Variants in OPRM1 observed in about 807,000 individuals in gnomAD.
The protein encoded by OPRM1 is mu-type opioid receptor.
Under a neutral mutation model 31.8 loss-of-function variants are expected in OPRM1, and 27 were observed. The observed-to-expected ratio is 0.85, with a 90% CI of 0.63 to 1.17. The LOEUF (loss-of-function observed/expected upper bound fraction) is 1.17, where lower values mean the gene tolerates loss of function less well. Among genes scored for constraint, OPRM1 ranks in the 50% most tolerant of loss-of-function variants. The pLI is 0.00. For missense variants in OPRM1, 536 were observed against 511.1 expected (o/e 1.05, Z -0.47); for synonymous variants, 196 against 189.9 (o/e 1.03, Z -0.26).
chr6:154,237,259 C>T (rs189685033), intron 3 of OPRM1, among the ~76,000 whole-genome samples: 10 of 152,342 alleles, frequency 6.6e-5, no homozygotes, highest in Middle Eastern at 3.4e-3. Context: ...CCCACACCCT[C>T]ACCATTAACT....
intron 3 of OPRM1, among the ~76,000 whole-genome samples, chr6:154,240,129 G>T (rs1275229633): frequency 6.6e-6 from 1 of 152,138 alleles, no homozygotes; most frequent in African/African-American, 2.4e-5. Context: ...GTAGAAGTCT[G>T]GGAACACATC....
At chr6:154,086,989 A>G in intron 1 of OPRM1, 1 of 983,984 alleles carries the variant, frequency 1.0e-6, no homozygotes, top group Non-Finnish European at 1.2e-6. Flanking sequence ...TGTACTTTGG[A>G]GTATTTGTCT....
intron 3 of OPRM1, chr6:154,159,975 T>C (rs1798870350): frequency 1.2e-6 from 2 of 1,613,112 alleles, no homozygotes; most frequent in African/African-American, 1.3e-5. Flanking sequence ...ACTCTCTGTA[T>C]TTCCTGGCTG....
At chr6:154,081,466 A>G (rs1474105290) in intron 1 of OPRM1, among the ~76,000 whole-genome samples, 1 of 152,194 alleles carries the variant, frequency 6.6e-6, no homozygotes, top group Non-Finnish European at 1.5e-5. Flanking sequence ...AGATCGCGCC[A>G]CTGCACTCCA....
chr6:154,210,329 G>A (rs1777863927), intron 3 of OPRM1, among the ~76,000 whole-genome samples: 1 of 152,186 alleles, frequency 6.6e-6, no homozygotes, highest in South Asian at 2.1e-4. Flanking sequence ...GGTGGGCACA[G>A]TGTGAGGGAG....
In OPRM1 at chr6:154,128,704, G is replaced by A. The variant is rs1797724458; in HGVS notation, c.*9983G>A. On this transcript the variant is annotated 3_prime_UTR_variant, in exon 4 of 4. Coordinates refer to ENST00000330432, the MANE Select transcript of OPRM1 (RefSeq NM_000914.5). ...CTAGCTGGTTTCCCAGAGACAGCTG[G>A]AGACTGAGCACATAAAGACATCATT... Among the ~76,000 whole-genome samples, 1 of 152,168 alleles carries A rather than the reference G, an allele frequency of 6.6e-6. No individual in the cohort carries two copies. The highest frequency in any genetic ancestry group is 1.5e-5 in the Non-Finnish European group (1 of 68,036).
intron 3 of OPRM1, among the ~76,000 whole-genome samples, chr6:154,239,815 T>C (rs1780436269): frequency 6.6e-6 from 1 of 152,236 alleles, no homozygotes; most frequent in African/African-American, 2.4e-5. Flanking sequence ...GCAATTCTCT[T>C]GCCTCAGTCT....
At chr6:154,046,446 AAAAC>A (rs890470313) in intron 1 of OPRM1, among the ~76,000 whole-genome samples, 6 of 152,228 alleles carry the variant, frequency 3.9e-5, no homozygotes, top group Non-Finnish European at 8.8e-5. Context: ...AGGGTATAAG[AAAAC>A]AAACAAACAA....
chr6:154,180,648 G>A (rs1251704805), intron 3 of OPRM1, among the ~76,000 whole-genome samples: 1 of 151,922 alleles, frequency 6.6e-6, no homozygotes. Context: ...CTCTTTAAAT[G>A]CTATATTTTC....
At chr6:154,085,268 G>T (rs1325683631) in intron 1 of OPRM1, among the ~76,000 whole-genome samples, 2 of 152,080 alleles carry the variant, frequency 1.3e-5, no homozygotes, top group Admixed American at 6.6e-5. Flanking sequence ...CAACATAAAA[G>T]AATAGGTGAG....
chr6:154,167,642 G>T (rs1799546124), intron 3 of OPRM1, among the ~76,000 whole-genome samples: 1 of 152,150 alleles, frequency 6.6e-6, no homozygotes, highest in Non-Finnish European at 1.5e-5. Flanking sequence ...AATTATGCAT[G>T]GTCCTTGCTG....
chr6:154,093,871 C>T (rs186895062), intron 3 of OPRM1, among the ~76,000 whole-genome samples: 1 of 152,328 alleles, frequency 6.6e-6, no homozygotes, highest in African/African-American at 2.4e-5. Context: ...TGGAACAATA[C>T]ATAAGCTGCT....
chr6:154,014,296 G>A (rs938139851), intron 1 of OPRM1, among the ~76,000 whole-genome samples: 6 of 152,122 alleles, frequency 3.9e-5, no homozygotes, highest in African/African-American at 9.7e-5. Context: ...TAGGCCATTC[G>A]AAGAAACTTG....
In OPRM1 at chr6:154,146,359, C is replaced by G. The variant is rs375620588; in HGVS notation, c.1164+54887C>G. On this transcript the variant is annotated intron_variant, in intron 3 of 3. Transcript: ENST00000337049. The stretch of plus-strand genomic sequence containing the variant: ...AGGTTGCAGTGAGCTGAGATCGTGC[C>G]ACTGCACTCTAGTCTGGGCAACAGA... Among the ~76,000 whole-genome samples, 17 of 152,294 alleles carry G rather than the reference C, an allele frequency of 1.1e-4. 1 individual carries two copies. The highest frequency in any genetic ancestry group is 9.2e-4 in the Admixed American group (14 of 15,296).
intron 1 of OPRM1, among the ~76,000 whole-genome samples, chr6:154,062,291 A>G (rs1344210438): frequency 6.6e-6 from 1 of 152,154 alleles, no homozygotes; most frequent in Non-Finnish European, 1.5e-5. Flanking sequence ...ATATAAATCA[A>G]TGTTTGGAAT....
In OPRM1 at chr6:154,119,170, T is replaced by C. The variant is rs1797169657; in HGVS notation, c.*449T>C. Reference sequence around the variant, plus strand: ...TGGAAGGTCCGAGTCTTTTTAGTGTTTTGCAAGGGAATGAATCCATTATTC... The same window carrying C: ...TGGAAGGTCCGAGTCTTTTTAGTGTCTTGCAAGGGAATGAATCCATTATTC... On this transcript the variant is annotated 3_prime_UTR_variant, in exon 4 of 4. Transcript: ENST00000330432. The C allele has an allele frequency of 1.0e-6, 1 of 987,610 alleles. No homozygotes were observed. Among genetic ancestry groups the C allele is most frequent in the Non-Finnish European group, 1.2e-6 (1 of 831,270 alleles). 61.2% of individuals were successfully genotyped at this position (987,610 alleles called of 1,614,324 possible).
rs74750687 is a variant in OPRM1, at chr6:154,010,895, A to G, written c.-124A>G. 159 of 1,314,776 alleles carry G rather than the reference A, an allele frequency of 1.2e-4. No homozygotes were observed. The East Asian group carries it at 6.9e-3, about 57-fold the overall frequency. 81.4% of individuals were successfully genotyped at this position (1,314,776 alleles called of 1,614,324 possible). ...ATGCAATAAATGTAATTCTATGAGA[A>G]GGACCAGCCCTTACATCCCATCAAA... On this transcript the variant is annotated 5_prime_UTR_variant, in exon 1 of 6. Transcript: ENST00000434900.
rs1055334427 is a variant in OPRM1, at chr6:154,118,870, T to C, written c.*149T>C. On this transcript the variant is annotated 3_prime_UTR_variant, in exon 4 of 4. Transcript: ENST00000330432. ...CAACCTCTTTCCTCTCTGGCCACTC[T>C]GCTCTGCACATTAGAGGGACAGCCA... 7.4e-6 allele frequency: 11 copies of C among 1,482,280 alleles called. No homozygotes were observed. The Admixed American group carries it at 2.2e-4, about 29-fold the overall frequency. 91.8% of individuals were successfully genotyped at this position (1,482,280 alleles called of 1,614,324 possible). A position where few individuals can be genotyped will look rare whatever the true frequency, so the allele number is the denominator to read the frequency against.
chr6:154,113,206 C>T (rs546980523), intron 3 of OPRM1, among the ~76,000 whole-genome samples: 1 of 152,324 alleles, frequency 6.6e-6, no homozygotes, highest in Admixed American at 6.5e-5. Flanking sequence ...GGTAGCTAAA[C>T]TTAAGAATAG....
Sources: gnomAD v4.1 joint callset for allele counts (sites outside exome capture counted in the v4.1 genomes callset) on GRCh38, gnomAD v4.1.1 for gene constraint, MANE v1.5 for transcripts, NCBI Gene and HGNC (gene_info 2026-07-23, HGNC 2026-07-21) for gene names.